Variants in DPY19L4 observed in about 807,000 individuals in gnomAD.
DPY19L4 encodes the protein dpy-19 like 4.
A neutral mutation model predicts 102.8 loss-of-function variants in DPY19L4; 97 were observed. That is an observed-to-expected ratio of 0.94 (90% CI 0.80 to 1.12). The LOEUF is 1.12. DPY19L4 is among the 50% of genes most tolerant of loss of function. The pLI is 0.00. For missense variants in DPY19L4, 815 were observed against 850.4 expected, an observed-to-expected ratio of 0.96 and a Z score of 0.52; for synonymous variants, 252 against 283.1, an observed-to-expected ratio of 0.89 and a Z score of 1.10.
intron 16 of DPY19L4, among the ~76,000 whole-genome samples, chr8:94,782,553 T>G (rs1156515307): frequency 6.6e-6 from 1 of 150,596 alleles, no homozygotes; most frequent in African/African-American, 2.5e-5. Context: ...ATAACTACAT[T>G]GAAATTTATT....
chr8:94,732,506 A>C (rs1563573952), intron 2 of DPY19L4, among the ~76,000 whole-genome samples: 1 of 152,232 alleles, frequency 6.6e-6, no homozygotes, highest in Non-Finnish European at 1.5e-5. Context: ...AGCCTGGGCA[A>C]CATAGCAAGA....
At chr8:94,729,463 G>A (rs570430439) in intron 2 of DPY19L4, among the ~76,000 whole-genome samples, 8 of 151,524 alleles carry the variant, frequency 5.3e-5, no homozygotes, top group Admixed American at 5.3e-4. Flanking sequence ...GCCAAGTGTG[G>A]TGGTGTGCCC....
At position 94,726,423 on chromosome 8, in the gene DPY19L4, C is replaced by A. The variant is rs758889948; in HGVS notation, c.109C>A (p.Pro37Thr). 6.2e-7 allele frequency: 1 copy of A among 1,607,948 alleles called. No individual in the cohort carries two copies. Among genetic ancestry groups the A allele is most frequent in the South Asian group, 1.1e-5 (1 of 88,840 alleles). ...AGAGAAAATCAGTGACATTCCAATT[C>A]CTGAAAGAGCTCCAAAACGTAAGTT... ...KEEKISDIPIPERAPKHVLFQ... is the reference protein window; with the variant it reads ...KEEKISDIPITERAPKHVLFQ... Residue 37 changes from proline to threonine, a missense_variant, in exon 2 of 19, where the codon CCT (proline) becomes ACT (threonine). Physicochemically the swap from Pro to Thr is conservative, Grantham distance 38. Transcript: ENST00000414645.
intron 1 of DPY19L4, among the ~76,000 whole-genome samples, chr8:94,724,546 T>G (rs1002115696): frequency 5.3e-5 from 8 of 152,186 alleles, no homozygotes; most frequent in African/African-American, 9.6e-5. Context: ...ACTCAAAGTC[T>G]GGGGTATGTT....
intron 1 of DPY19L4, among the ~76,000 whole-genome samples, chr8:94,723,800 T>C (rs867411611): frequency 1.5e-4 from 23 of 152,154 alleles, no homozygotes; most frequent in South Asian, 4.1e-4. Context: ...ACCTATTAAG[T>C]AGTATCTTCA....
At position 94,770,537 on chromosome 8, in the gene DPY19L4, A is replaced by G. The variant is rs1812881027; in HGVS notation, c.1420A>G (p.Ile474Val). 1.9e-6 allele frequency: 3 copies of G among 1,613,450 alleles called. No homozygotes were observed. Among genetic ancestry groups the G allele is most frequent in the East Asian group, 2.2e-5 (1 of 44,806 alleles). The part of the protein sequence containing the change: ...PEIIYHVIHT[I>V]LLGSLAMVIE... ...AATAATTTATCATGTAATTCACACTATTTTATTGGGTTCTCTTGCAATGGT... is the reference window on the plus strand; with the variant it reads ...AATAATTTATCATGTAATTCACACTGTTTTATTGGGTTCTCTTGCAATGGT... The change falls in exon 13 of 19, where the codon ATT becomes GTT. Residue 474 changes from isoleucine (I) to valine (V), a missense_variant. Physicochemically the swap from Ile to Val is conservative, Grantham distance 29. Coordinates refer to ENST00000414645, the MANE Select transcript of DPY19L4 (RefSeq NM_181787.3).
intron 7 of DPY19L4, among the ~76,000 whole-genome samples, chr8:94,759,169 G>A (rs1812293167): frequency 1.3e-5 from 2 of 152,168 alleles, no homozygotes; most frequent in Non-Finnish European, 2.9e-5. Context: ...TCCACAGCAT[G>A]GAAGGGGACC....
chr8:94,768,985 G>C (rs1198303902), intron 12 of DPY19L4, among the ~76,000 whole-genome samples: 4 of 149,684 alleles, frequency 2.7e-5, no homozygotes, highest in Non-Finnish European at 5.9e-5. Flanking sequence ...ACTCCAGCCT[G>C]GGCGACAGAG....
intron 3 of DPY19L4, among the ~76,000 whole-genome samples, chr8:94,737,097 C>A (rs1188641004): frequency 6.6e-6 from 1 of 152,184 alleles, no homozygotes; most frequent in East Asian, 1.9e-4. Context: ...AAAATTCAAA[C>A]ATGTCTTTGA....
chr8:94,784,239 T>C (rs1201456479), intron 17 of DPY19L4, among the ~76,000 whole-genome samples: 4 of 151,878 alleles, frequency 2.6e-5, no homozygotes, highest in African/African-American at 4.8e-5. Context: ...CGGCTAACAT[T>C]TTTTTAATTC....
chr8:94,780,949 A>G (rs1437987153), intron 15 of DPY19L4, 135 bp from the exon 16 acceptor site: 3 of 613,626 alleles, frequency 4.9e-6, no homozygotes, highest in East Asian at 3.1e-5. Context: ...CATTTTTTCC[A>G]TGCGAACGGT....
At chr8:94,738,838 A>G (rs1318203903) in intron 4 of DPY19L4, among the ~76,000 whole-genome samples, 1 of 152,094 alleles carries the variant, frequency 6.6e-6, no homozygotes, top group African/African-American at 2.4e-5. Flanking sequence ...TCTTAAATAA[A>G]ACTTTGTTCT....
intron 2 of DPY19L4, 134 bp downstream of exon 2, chr8:94,726,575 C>T (rs540883148): frequency 3.1e-6 from 2 of 638,786 alleles, no homozygotes; most frequent in South Asian, 5.9e-5. Context: ...TTTTGGACAA[C>T]CCCCAAATCT....
chr8:94,766,792 CT>C, intron 11 of DPY19L4, 107 bp downstream of exon 11: 2 of 999,344 alleles, frequency 2.0e-6, no homozygotes, highest in South Asian at 1.6e-5. Context: ...AATCCCAGCA[CT>C]TTAGGAGGCC....
At chr8:94,765,096 A>G (rs1250392396) in intron 8 of DPY19L4, 87 bp from the exon 9 acceptor site, 1 of 980,174 alleles carries the variant, frequency 1.0e-6, no homozygotes, top group Non-Finnish European at 1.5e-6. Context: ...TTAACTGTAT[A>G]ATTATAGTTA....
At chr8:94,783,148 A>G (rs1270291404) in intron 16 of DPY19L4, among the ~76,000 whole-genome samples, 4 of 152,256 alleles carry the variant, frequency 2.6e-5, no homozygotes, top group East Asian at 1.9e-4. Flanking sequence ...TGCAAGTAGC[A>G]TCTGTCTGGG....
rs1304028172 is a variant in DPY19L4 at position 94,793,447 on chromosome 8, T to A, written c.*3537T>A. 2.0e-5 allele frequency: 3 copies of A among 152,222 alleles called. No individual in the cohort carries two copies. Among genetic ancestry groups the A allele is most frequent in the African/African-American group, 7.2e-5 (3 of 41,466 alleles). 9.4% of individuals were successfully genotyped at this position (152,222 alleles called of 1,614,324 possible). On this transcript the variant is annotated 3_prime_UTR_variant, in exon 19 of 19. Transcript: ENST00000414645. ...TGTAAATTGCCTTTTTTGTTAAACTTATTTTAAATGCTTTAGTATTTAAAG... is the reference window on the plus strand; with the variant it reads ...TGTAAATTGCCTTTTTTGTTAAACTAATTTTAAATGCTTTAGTATTTAAAG...
Position 94,719,966 on chromosome 8 carries a change from G to T in DPY19L4, c.-33G>T. On this transcript the variant is annotated 5_prime_UTR_variant, in exon 1 of 19. Coordinates refer to ENST00000414645, the MANE Select transcript of DPY19L4 (RefSeq NM_181787.3). ...GGGAGGGAGAGTCTGGGCCGCGCGG[G>T]AGCCGCAGGGCGCCCTAGCCTTCGC... 6.6e-7 allele frequency: 1 copy of T among 1,509,762 alleles called. No individual in the cohort carries two copies. The highest frequency in any genetic ancestry group is 8.9e-7 in the Non-Finnish European group (1 of 1,129,548). The allele number at this position is 1,509,762 out of a possible 1,614,324, so 93.5% of individuals were successfully genotyped here. A position where few individuals can be genotyped will look rare whatever the true frequency, so the allele number is the denominator to read the frequency against.
At chr8:94,736,855 A>G (rs1811209668) in intron 3 of DPY19L4, among the ~76,000 whole-genome samples, 1 of 152,148 alleles carries the variant, frequency 6.6e-6, no homozygotes, top group South Asian at 2.1e-4. Context: ...TTGTCTTTTT[A>G]TTATGGACTT....
Sources: gnomAD v4.1 joint callset for allele counts (sites outside exome capture counted in the v4.1 genomes callset) on GRCh38, gnomAD v4.1.1 for gene constraint, MANE v1.5 for transcripts, NCBI Gene and HGNC (gene_info 2026-07-23, HGNC 2026-07-21) for gene names.